The following CCT5 variants were observed in gnomAD, a reference collection of about 807,000 sequenced individuals.
CCT5 encodes T-complex protein 1 subunit epsilon.
CCT5 carries 6 observed loss-of-function variants against 55.0 expected under a neutral mutation model. The ratio of observed to expected loss-of-function variants is 0.11; its 90% confidence interval spans 0.06 to 0.22. The LOEUF (loss-of-function observed/expected upper bound fraction) is 0.22. CCT5 is among the 10% of genes least tolerant of loss of function. The probability of loss-of-function intolerance (pLI) is 1.00; values close to 1 mark genes in which losing one functional copy is unlikely to be tolerated. For synonymous variants in CCT5, 231 were observed against 243.7 expected (o/e 0.95, Z 0.49); for missense variants, 560 against 694.6 (o/e 0.81, Z 2.18).
At chr5:10,263,518 A>G (rs1164773531) in intron 10 of CCT5, among the ~76,000 whole-genome samples, 3 of 152,258 alleles carry the variant, frequency 2.0e-5, no homozygotes, top group African/African-American at 7.2e-5. Flanking sequence ...ACTCATTGTA[A>G]TAACAGTAAA....
At chr5:10,260,948 G>A in intron 7 of CCT5, 37 bp downstream of exon 7, 1 of 1,611,498 alleles carries the variant, frequency 6.2e-7, no homozygotes, top group Non-Finnish European at 8.5e-7. Flanking sequence ...TGAGAAGTAG[G>A]GGTTCATCTT....
At chr5:10,264,199 C>T (rs907916624) in intron 10 of CCT5, among the ~76,000 whole-genome samples, 2 of 151,980 alleles carry the variant, frequency 1.3e-5, no homozygotes, top group African/African-American at 2.4e-5. Context: ...CGCTTGAACC[C>T]GGGACGCAGA....
chr5:10,255,208 C>T (rs1027412295), intron 3 of CCT5, among the ~76,000 whole-genome samples: 6 of 152,116 alleles, frequency 3.9e-5, no homozygotes, highest in Non-Finnish European at 7.3e-5. Context: ...AGGAGAATGC[C>T]CTTCTTCTCA....
Position 10,263,304 on chromosome 5 carries a change from G to A in CCT5, c.1488G>A (p.Lys496=), listed in dbSNP as rs1412304969. Residue 496 remains lysine, a synonymous_variant, in exon 10 of 11, where the codon AAG becomes AAA. Transcript: ENST00000280326. ...CTCTTGGCATCGACTGTTTGCACAAGGGGACAAATGGTGAGGAGCTGTCAC... is the reference window on the plus strand; with the variant it reads ...CTCTTGGCATCGACTGTTTGCACAAAGGGACAAATGGTGAGGAGCTGTCAC... ...NPALGIDCLH[K]GTNDMKQQHV... is the part of the protein sequence containing the mutation. The A allele has an allele frequency of 6.2e-7, 1 of 1,609,358 alleles. No individual in the cohort carries two copies. Among genetic ancestry groups the A allele is most frequent in the African/African-American group, 1.4e-5 (1 of 73,676 alleles).
In CCT5 at chr5:10,254,307, T is replaced by C. The variant is rs1040850940; in HGVS notation, c.166+102T>C. 3.4e-6 allele frequency: 3 copies of C among 876,352 alleles called. No homozygotes were observed. The African/African-American group carries it at 5.0e-5, about 15-fold the overall frequency. 54.3% of individuals were successfully genotyped at this position (876,352 alleles called of 1,614,324 possible). A position where few individuals can be genotyped will look rare whatever the true frequency, so the allele number is the denominator to read the frequency against. ...AGGTGGAGTATTGAGGGGAGGCATC[T>C]TACTTCCTTAACACAGCCAAAATTT... is the stretch of plus-strand genomic sequence containing the variant. On this transcript the variant is annotated intron_variant, in intron 2 of 10. Transcript: ENST00000280326.
chr5:10,257,972 C>T, intron 4 of CCT5, 139 bp from the exon 5 acceptor site: 1 of 855,236 alleles, frequency 1.2e-6, no homozygotes, highest in Non-Finnish European at 1.9e-6. Flanking sequence ...GTTGAAAATG[C>T]AGGTTGAGAT....
Position 10,261,756 on chromosome 5 carries a change from A to T in CCT5, c.1179+11A>T, listed in dbSNP as rs763264040. 4 of 1,610,984 alleles carry T rather than the reference A, an allele frequency of 2.5e-6. No homozygotes were observed. Among genetic ancestry groups the T allele is most frequent in the Non-Finnish European group, 3.4e-6 (4 of 1,177,204 alleles). On this transcript the variant is annotated intron_variant, in intron 8 of 10. Transcript: ENST00000280326. ...GGAGGAAATAAGATGGTGAGAATTC[A>T]ACTATTTGTCCTATACTGTTGCTTA...
upstream of CCT5, chr5:10,250,051 G>T (rs915912563): frequency 1.0e-5 from 16 of 1,540,830 alleles, no homozygotes; most frequent in African/African-American, 2.2e-4. Flanking sequence ...CAGTGGTAAC[G>T]TTTTAAAAAA....
At chr5:10,255,106 T>A in intron 3 of CCT5, 1 of 468,278 alleles carries the variant, frequency 2.1e-6, no homozygotes. Context: ...CTATAAAGGA[T>A]GTTTGGGAAA....
intron 2 of CCT5, 56 bp downstream of exon 2, chr5:10,254,261 A>C: frequency 8.3e-7 from 1 of 1,200,582 alleles, no homozygotes; most frequent in Non-Finnish European, 1.2e-6. Flanking sequence ...TAAAACTGTC[A>C]ATATAAACCT....
chr5:10,258,083 G>T (rs772430738), intron 4 of CCT5, 28 bp from the exon 5 acceptor site: 1 of 1,611,538 alleles, frequency 6.2e-7, no homozygotes, highest in South Asian at 1.1e-5. Flanking sequence ...TGAAACCAAT[G>T]AAGTTTGTTT....
intron 8 of CCT5, chr5:10,261,998 TA>T (rs1256350911): frequency 2.1e-6 from 1 of 468,846 alleles, no homozygotes; most frequent in Non-Finnish European, 3.9e-6. Context: ...TTTAAATACT[TA>T]AACACAGTTT....
At chr5:10,262,306 G>C (rs1746005616) in intron 8 of CCT5, 175 bp from the exon 9 acceptor site, 1 of 720,604 alleles carries the variant, frequency 1.4e-6, no homozygotes, top group Non-Finnish European at 2.4e-6. Context: ...TCTGCCTCTT[G>C]AATTTTGTTA....
At chr5:10,259,225 C>T (rs1229361847) in intron 6 of CCT5, among the ~76,000 whole-genome samples, 1 of 152,192 alleles carries the variant, frequency 6.6e-6, no homozygotes, top group African/African-American at 2.4e-5. Context: ...AGTTTGGGTT[C>T]ATGAATACCT....
intron 8 of CCT5, 152 bp downstream of exon 8, chr5:10,261,897 G>A: frequency 1.4e-6 from 1 of 737,756 alleles, no homozygotes. Context: ...AATTACTGAA[G>A]ACCATGTTAA....
intron 10 of CCT5, 191 bp from the exon 11 acceptor site, chr5:10,264,465 G>C: frequency 1.8e-6 from 1 of 569,084 alleles, no homozygotes; most frequent in Non-Finnish European, 3.2e-6. Context: ...GCGAGTTCCA[G>C]AGTGTCCTTG....
chr5:10,252,153 G>A (rs980582823), intron 1 of CCT5, among the ~76,000 whole-genome samples: 6 of 152,148 alleles, frequency 3.9e-5, no homozygotes, highest in African/African-American at 1.4e-4. Flanking sequence ...CAGTAACCTG[G>A]GTGTTTAAGT....
At chr5:10,257,691 T>C (rs1444808321) in intron 4 of CCT5, among the ~76,000 whole-genome samples, 1 of 152,226 alleles carries the variant, frequency 6.6e-6, no homozygotes, top group Non-Finnish European at 1.5e-5. Context: ...GTGCTACACT[T>C]CATTGAGATA....
chr5:10,262,308 A>G, intron 8 of CCT5, 173 bp from the exon 9 acceptor site: 2 of 729,996 alleles, frequency 2.7e-6, no homozygotes, highest in Admixed American at 2.2e-5. Context: ...TGCCTCTTGA[A>G]TTTTGTTAAC....
Sources: gnomAD v4.1 joint callset for allele counts (sites outside exome capture counted in the v4.1 genomes callset) on GRCh38, gnomAD v4.1.1 for gene constraint, MANE v1.5 for transcripts, NCBI Gene and HGNC (gene_info 2026-07-23, HGNC 2026-07-21) for gene names.